Variants in DTD1 observed in about 807,000 individuals in gnomAD.
DTD1 encodes the protein D-aminoacyl-tRNA deacylase 1, also known as D-tyrosyl-tRNA deacylase 1 homolog.
Under a neutral mutation model 25.6 loss-of-function variants are expected in DTD1, and 13 were observed. That is an observed-to-expected ratio of 0.51 (90% CI 0.33 to 0.81). The LOEUF is 0.81. DTD1 is among the 30% of genes least tolerant of loss of function. The probability of loss-of-function intolerance (pLI) is 0.02; values close to 1 mark genes in which losing one functional copy is unlikely to be tolerated. For missense variants in DTD1, 193 were observed against 266.4 expected (o/e 0.72, Z 1.92); for synonymous variants, 110 against 103.6 (o/e 1.06, Z -0.37).
Position 18,765,651 on chromosome 20 carries a change from T to G in DTD1, c.*2311T>G, listed in dbSNP as rs2061376837. 6.6e-6 allele frequency: 1 copy of G among 152,088 alleles called. No individual in the cohort carries two copies. The highest frequency in any genetic ancestry group is 2.4e-5 in the African/African-American group (1 of 41,402). The allele number at this position is 152,088 out of a possible 1,614,324, so 9.4% of individuals were successfully genotyped here. On this transcript the variant is annotated 3_prime_UTR_variant, in exon 6 of 6. Transcript: ENST00000377452. The stretch of plus-strand genomic sequence containing the variant: ...AAACCCCATAATATCTGCAGCTGCC[T>G]CAAAAAGGTGGTTAATTTCCACCCC...
intron 4 of DTD1, among the ~76,000 whole-genome samples, chr20:18,723,962 T>C (rs2061214484): frequency 6.6e-6 from 1 of 152,206 alleles, no homozygotes; most frequent in Non-Finnish European, 1.5e-5. Context: ...TCTAAGTGTG[T>C]TGGCTTCCCT....
rs572627353 is a variant in DTD1, at chr20:18,667,528, T to G, written c.477+39295T>G. ...CTTATCAGTTTACTTGAAAGAAGGA[T>G]GGCACATGAGAGGGCGTGTGTCCCT... On this transcript the variant is annotated intron_variant, in intron 4 of 5. Transcript: ENST00000377452. Among the ~76,000 whole-genome samples the G allele has an allele frequency of 2.6e-5, 4 of 152,212 alleles. No homozygotes were observed. In the South Asian group the frequency reaches 8.3e-4, roughly 32 times the overall value.
chr20:18,717,928 A>G (rs2061187812), intron 4 of DTD1, among the ~76,000 whole-genome samples: 1 of 152,244 alleles, frequency 6.6e-6, no homozygotes, highest in South Asian at 2.1e-4. Flanking sequence ...ATGGTATTTA[A>G]CAGTCCAGGA....
At chr20:18,677,739 G>T (rs2060981878) in intron 4 of DTD1, among the ~76,000 whole-genome samples, 2 of 152,164 alleles carry the variant, frequency 1.3e-5, no homozygotes, top group African/African-American at 4.8e-5. Flanking sequence ...GAGAGGCCGG[G>T]TCAGATAAGA....
chr20:18,590,242 A>G (rs1276604240), intron 1 of DTD1, among the ~76,000 whole-genome samples: 3 of 152,204 alleles, frequency 2.0e-5, no homozygotes, highest in Non-Finnish European at 4.4e-5. Context: ...CAGTGGCACT[A>G]TTATAGCTTA....
intron 5 of DTD1, among the ~76,000 whole-genome samples, chr20:18,760,980 C>T (rs1000848227): frequency 6.6e-6 from 1 of 152,180 alleles, no homozygotes; most frequent in African/African-American, 2.4e-5. Context: ...AATTTGATCT[C>T]AGACTGCTGT....
chr20:18,721,303 A>T (rs957480256), intron 4 of DTD1, among the ~76,000 whole-genome samples: 1 of 152,054 alleles, frequency 6.6e-6, no homozygotes, highest in African/African-American at 2.4e-5. Flanking sequence ...CTACTGAGTG[A>T]TGCTCATTTG....
At chr20:18,718,199 A>G (rs978765970) in intron 4 of DTD1, among the ~76,000 whole-genome samples, 26 of 152,238 alleles carry the variant, frequency 1.7e-4, no homozygotes, top group African/African-American at 6.0e-4. Context: ...TTACTTTATT[A>G]AAGATATTTA....
intron 4 of DTD1, among the ~76,000 whole-genome samples, chr20:18,663,112 T>C (rs924108983): frequency 2.0e-5 from 3 of 152,170 alleles, no homozygotes; most frequent in African/African-American, 7.2e-5. Context: ...CTATTAACAA[T>C]GGCTTTTCCT....
intron 4 of DTD1, among the ~76,000 whole-genome samples, chr20:18,671,095 G>A (rs1033997770): frequency 6.6e-6 from 1 of 152,154 alleles, no homozygotes; most frequent in Non-Finnish European, 1.5e-5. Flanking sequence ...TCTGCAGTCT[G>A]TGGCTCTGTT....
At chr20:18,667,213 T>G (rs189474689) in intron 4 of DTD1, among the ~76,000 whole-genome samples, 7 of 152,336 alleles carry the variant, frequency 4.6e-5, no homozygotes, top group Non-Finnish European at 8.8e-5. Flanking sequence ...CAGATGGCAT[T>G]GCATTTCATT....
chr20:18,688,713 A>G (rs1301424134), intron 4 of DTD1, among the ~76,000 whole-genome samples: 1 of 151,742 alleles, frequency 6.6e-6, no homozygotes. Context: ...TTTATCTTCT[A>G]GTGTTTGGTT....
At chr20:18,746,750 G>A (rs1363464674) in intron 5 of DTD1, among the ~76,000 whole-genome samples, 1 of 152,158 alleles carries the variant, frequency 6.6e-6, no homozygotes, top group Non-Finnish European at 1.5e-5. Context: ...AGTGGCACCA[G>A]CTCCCAAATG....
In DTD1 at chr20:18,677,950, A is replaced by G. The variant is rs187203994; in HGVS notation, c.477+49717A>G. Among the ~76,000 whole-genome samples the G allele has an allele frequency of 9.2e-5, 14 of 152,376 alleles. No homozygotes were observed. The East Asian group carries it at 2.5e-3, about 27-fold the overall frequency. On this transcript the variant is annotated intron_variant, in intron 4 of 5. Coordinates refer to ENST00000377452, the MANE Select transcript of DTD1 (RefSeq NM_080820.6). ...TTAAACATGCTTGGTGAGAGGAAAG[A>G]GAAGAGCTCACTTCTACAACACTGC...
chr20:18,687,596 C>T (rs1019309747), intron 4 of DTD1, among the ~76,000 whole-genome samples: 6 of 151,774 alleles, frequency 4.0e-5, no homozygotes, highest in African/African-American at 7.3e-5. Context: ...TTTCTGTCAC[C>T]CAGGCTGGAG....
intron 3 of DTD1, among the ~76,000 whole-genome samples, chr20:18,608,203 C>A (rs2122270871): frequency 6.6e-6 from 1 of 151,844 alleles, no homozygotes; most frequent in Non-Finnish European, 1.5e-5. Context: ...TGTCCATGGA[C>A]TCTATAGTGA....
intron 3 of DTD1, among the ~76,000 whole-genome samples, chr20:18,616,400 A>G (rs2060709152): frequency 6.6e-6 from 1 of 152,100 alleles, no homozygotes; most frequent in Non-Finnish European, 1.5e-5. Flanking sequence ...TCTTTTCGTG[A>G]TTTCATTGAT....
intron 1 of DTD1, among the ~76,000 whole-genome samples, chr20:18,591,152 C>A (rs893104997): frequency 6.6e-6 from 1 of 152,166 alleles, no homozygotes; most frequent in African/African-American, 2.4e-5. Flanking sequence ...CCTTTTGAAT[C>A]TCCTAGTCCT....
At chr20:18,729,189 A>T (rs1387251708) in intron 4 of DTD1, among the ~76,000 whole-genome samples, 2 of 151,992 alleles carry the variant, frequency 1.3e-5, no homozygotes, top group Non-Finnish European at 2.9e-5. Context: ...TTTTTTGTGG[A>T]GTGGGGTTTT....
Sources: gnomAD v4.1 joint callset for allele counts (sites outside exome capture counted in the v4.1 genomes callset) on GRCh38, gnomAD v4.1.1 for gene constraint, MANE v1.5 for transcripts, NCBI Gene and HGNC (gene_info 2026-07-23, HGNC 2026-07-21) for gene names.